LRP1B: variants seen among roughly 807,000 people sequenced by gnomAD.
LRP1B encodes LDL receptor related protein 1B, also known as low-density lipoprotein receptor-related protein 1B.
Under a neutral mutation model 556.6 loss-of-function variants are expected in LRP1B, and 217 were observed. The observed-to-expected ratio is 0.39, with a 90% CI of 0.35 to 0.44. LRP1B has a LOEUF of 0.44. Among genes scored for constraint, LRP1B ranks in the 20% least tolerant of loss-of-function variants. The pLI is 1.00. For synonymous variants in LRP1B, 2,047 were observed against 1,865.8 expected, an observed-to-expected ratio of 1.10 and a Z score of -2.50; for missense variants, 5,053 against 5,620.8, an observed-to-expected ratio of 0.90 and a Z score of 3.23.
chr2:140,514,529 C>T (rs1030751673), intron 51 of LRP1B, 124 bp downstream of exon 51: 2 of 762,616 alleles, frequency 2.6e-6, no homozygotes, highest in Admixed American at 2.9e-5. Context: ...AAACAGCTAC[C>T]TAGAAAGGTA....
At chr2:140,742,489 TTC>T (rs1268856403) in intron 35 of LRP1B, among the ~76,000 whole-genome samples, 3 of 152,200 alleles carry the variant, frequency 2.0e-5, no homozygotes, top group Non-Finnish European at 4.4e-5. Flanking sequence ...AATCTTGCTA[TTC>T]AATAAAACAG....
At chr2:141,550,380 T>A (rs1196019495) in intron 2 of LRP1B, among the ~76,000 whole-genome samples, 2 of 152,166 alleles carry the variant, frequency 1.3e-5, no homozygotes, top group African/African-American at 2.4e-5. Flanking sequence ...GATTTTTAAA[T>A]TTTTCTCATT....
rs75673834 is a variant in LRP1B at position 141,315,185 on chromosome 2, A to T, written c.344-60544T>A. Among the ~76,000 whole-genome samples the T allele has an allele frequency of 9.3e-3, 1,367 of 146,872 alleles. 17 individuals carry two copies. Among genetic ancestry groups the T allele is most frequent in the East Asian group, 0.037 (186 of 5,020 alleles). ...AACTTTTTGAATGTTGAATTATACA[A>T]ATATGAAAAATGAACATAATAAAGT... On this transcript the variant is annotated intron_variant, in intron 3 of 90. Coordinates refer to ENST00000389484, the MANE Select transcript of LRP1B (RefSeq NM_018557.3).
At chr2:142,049,399 A>G (rs555041410) in intron 1 of LRP1B, among the ~76,000 whole-genome samples, 1 of 152,256 alleles carries the variant, frequency 6.6e-6, no homozygotes, top group African/African-American at 2.4e-5. Flanking sequence ...TTATAAAGGT[A>G]TGAAGAAAGC....
At chr2:141,838,492 G>A (rs1697365042) in intron 1 of LRP1B, among the ~76,000 whole-genome samples, 1 of 152,102 alleles carries the variant, frequency 6.6e-6, no homozygotes, top group Non-Finnish European at 1.5e-5. Flanking sequence ...TTTTGCATTT[G>A]GGAGGACAAA....
At chr2:140,715,314 G>C (rs1050462440) in intron 37 of LRP1B, among the ~76,000 whole-genome samples, 1 of 152,002 alleles carries the variant, frequency 6.6e-6, no homozygotes, top group East Asian at 1.9e-4. Flanking sequence ...TGTTATTGCA[G>C]TATATAAGAT....
intron 35 of LRP1B, among the ~76,000 whole-genome samples, chr2:140,740,323 C>T (rs1390548013): frequency 1.3e-5 from 2 of 152,168 alleles, no homozygotes; most frequent in African/African-American, 4.8e-5. Flanking sequence ...TGATGGAATA[C>T]TACTCCGCCA....
intron 1 of LRP1B, among the ~76,000 whole-genome samples, chr2:141,909,297 T>C (rs1287349256): frequency 1.3e-5 from 2 of 152,052 alleles, no homozygotes; most frequent in South Asian, 2.1e-4. Context: ...GTAACTCTTA[T>C]AAGACAATCA....
intron 37 of LRP1B, among the ~76,000 whole-genome samples, chr2:140,707,577 C>G (rs1686884010): frequency 6.6e-6 from 1 of 152,018 alleles, no homozygotes; most frequent in Non-Finnish European, 1.5e-5. Flanking sequence ...TCAACATGTC[C>G]ATGGCTACAT....
rs924740479 is a variant in LRP1B at position 140,697,016 on chromosome 2, G to A, written c.6799+3234C>T. Among the ~76,000 whole-genome samples, 4 of 151,966 alleles carry A rather than the reference G, an allele frequency of 2.6e-5. No homozygotes were observed. In the South Asian group the frequency reaches 8.3e-4, roughly 32 times the overall value. ...TATGGGTTGATTTTCCATTTTGTAG[G>A]TAAGGAAATAAACACATAGAAGTAC... On this transcript the variant is annotated intron_variant, in intron 41 of 90. Coordinates refer to ENST00000389484, the MANE Select transcript of LRP1B (RefSeq NM_018557.3).
At chr2:140,911,028 C>T (rs979841319) in intron 21 of LRP1B, among the ~76,000 whole-genome samples, 4 of 151,764 alleles carry the variant, frequency 2.6e-5, no homozygotes, top group African/African-American at 4.8e-5. Context: ...TAAATAATTA[C>T]TGCAAGCCTG....
At chr2:140,983,529 GA>G (rs1573950405) in intron 17 of LRP1B, among the ~76,000 whole-genome samples, 1 of 152,076 alleles carries the variant, frequency 6.6e-6, no homozygotes, top group Admixed American at 6.6e-5. Context: ...TGGGTTCCAT[GA>G]ATTAGGGCTT....
rs201590927 is a variant in LRP1B at position 140,297,972 on chromosome 2, A to G, written c.12806-3T>C. 1.9e-4 allele frequency: 307 copies of G among 1,585,346 alleles called. 1 individual carries two copies. In the Middle Eastern group the frequency reaches 2.0e-3, roughly 11 times the overall value. ...TGCACAGCTGCAGGTGGGTCTCCCTATTGGAAACAATAAGTAATAAAAAGC... is the reference window on the plus strand; with the variant it reads ...TGCACAGCTGCAGGTGGGTCTCCCTGTTGGAAACAATAAGTAATAAAAAGC... On this transcript the variant is annotated splice_region_variant and splice_polypyrimidine_tract_variant and intron_variant, in intron 83 of 90. Coordinates refer to ENST00000389484, the MANE Select transcript of LRP1B (RefSeq NM_018557.3).
At chr2:141,373,124 T>C (rs953232074) in intron 3 of LRP1B, among the ~76,000 whole-genome samples, 1 of 152,120 alleles carries the variant, frequency 6.6e-6, no homozygotes, top group African/African-American at 2.4e-5. Flanking sequence ...GAGCATGATG[T>C]TTAATTTCCA....
chr2:140,957,490 G>A (rs1695908488), intron 18 of LRP1B, among the ~76,000 whole-genome samples: 1 of 127,754 alleles, frequency 7.8e-6, no homozygotes, highest in Non-Finnish European at 1.8e-5. Flanking sequence ...TATACAATGA[G>A]ACTAAAAGAA....
chr2:141,406,559 T>TATC (rs1690646506), intron 3 of LRP1B, among the ~76,000 whole-genome samples: 1 of 150,390 alleles, frequency 6.6e-6, no homozygotes, highest in African/African-American at 2.5e-5. Flanking sequence ...TCTATCTATC[T>TATC]ATCTATCTAT....
intron 27 of LRP1B, among the ~76,000 whole-genome samples, chr2:140,862,248 A>G (rs1303607692): frequency 2.0e-5 from 3 of 152,180 alleles, no homozygotes; most frequent in African/African-American, 7.2e-5. Flanking sequence ...GCCGGTGAGC[A>G]ACTTGTTTGT....
rs1167165839 is a variant in LRP1B, at chr2:140,665,994, A to AAT, written c.6799+34255_6799+34256insAT. Reference sequence around the variant, plus strand: ...ACTTCAGTGGAGTAAAAAAAAAAAAATTTTTTTTTTTTTTCCTGAGACGGA... The same window carrying AAT: ...ACTTCAGTGGAGTAAAAAAAAAAAAAATTTTTTTTTTTTTTTCCTGAGACGGA... On this transcript the variant is annotated intron_variant, in intron 41 of 90. Coordinates refer to ENST00000389484, the MANE Select transcript of LRP1B (RefSeq NM_018557.3). Among the ~76,000 whole-genome samples, 11 of 144,298 alleles carry AAT rather than the reference A, an allele frequency of 7.6e-5. No homozygotes were observed. The East Asian group carries it at 2.0e-3, about 27-fold the overall frequency. The allele number at this position is 144,298 out of a possible 152,430, so 94.7% of individuals were successfully genotyped here.
chr2:140,927,740 C>A (rs997290433), intron 20 of LRP1B, among the ~76,000 whole-genome samples: 3 of 127,548 alleles, frequency 2.4e-5, no homozygotes, highest in South Asian at 2.7e-4. Context: ...TGGAATCTCA[C>A]TTGTTGTCCA....
Sources: gnomAD v4.1 joint callset for allele counts (sites outside exome capture counted in the v4.1 genomes callset) on GRCh38, gnomAD v4.1.1 for gene constraint, MANE v1.5 for transcripts, NCBI Gene and HGNC (gene_info 2026-07-23, HGNC 2026-07-21) for gene names.